The following NPAS3 variants were observed in gnomAD, a reference collection of about 807,000 sequenced individuals.
NPAS3 encodes neuronal PAS domain protein 3, also known as neuronal PAS domain-containing protein 3.
In NPAS3, 14 loss-of-function variants were observed where a neutral mutation model predicts 73.1. That is an observed-to-expected ratio of 0.19 (90% CI 0.13 to 0.30). NPAS3 has a LOEUF of 0.30. Among genes scored for constraint, NPAS3 ranks in the 10% least tolerant of loss-of-function variants. NPAS3 has a pLI of 1.00. For missense variants in NPAS3, 1,096 were observed against 1,250.0 expected (o/e 0.88, Z 1.86); for synonymous variants, 620 against 541.5 (o/e 1.14, Z -2.01).
At chr14:32,941,441 TTC>T (rs2036012208) in intron 1 of NPAS3, among the ~76,000 whole-genome samples, 1 of 150,240 alleles carries the variant, frequency 6.7e-6, no homozygotes, top group African/African-American at 2.5e-5. Context: ...TTTTAGGAAT[TTC>T]TCTGAGATAA....
intron 4 of NPAS3, among the ~76,000 whole-genome samples, chr14:33,389,155 A>G (rs2138574183): frequency 6.6e-6 from 1 of 152,324 alleles, no homozygotes; most frequent in South Asian, 2.1e-4. Context: ...CTAAGGAGGT[A>G]AATAACAATA....
chr14:33,569,755 G>A (rs563250641), intron 5 of NPAS3, among the ~76,000 whole-genome samples: 14 of 152,126 alleles, frequency 9.2e-5, no homozygotes, highest in African/African-American at 2.9e-4. Context: ...TACTTTCTTC[G>A]ATACTTCTTT....
intron 3 of NPAS3, among the ~76,000 whole-genome samples, chr14:33,252,144 A>G (rs924221869): frequency 5.3e-5 from 8 of 150,634 alleles, no homozygotes; most frequent in African/African-American, 1.5e-4. Context: ...AAAACTCATG[A>G]CGAGCTATTG....
chr14:33,121,957 G>A (rs2043246781), intron 2 of NPAS3, among the ~76,000 whole-genome samples: 1 of 152,112 alleles, frequency 6.6e-6, no homozygotes, highest in African/African-American at 2.4e-5. Context: ...AACTTTCCAT[G>A]AGTACCCTAA....
chr14:33,085,850 A>T (rs1289382026), intron 2 of NPAS3, among the ~76,000 whole-genome samples: 1 of 152,238 alleles, frequency 6.6e-6, no homozygotes, highest in African/African-American at 2.4e-5. Flanking sequence ...AGTTACTTTC[A>T]TATGAGTTAA....
intron 2 of NPAS3, among the ~76,000 whole-genome samples, chr14:33,084,613 TC>T (rs926439108): frequency 2.0e-5 from 3 of 152,086 alleles, no homozygotes; most frequent in African/African-American, 7.2e-5. Context: ...CTATCTTGAG[TC>T]CCATGGAATC....
chr14:33,085,364 G>A (rs766384478), intron 2 of NPAS3, among the ~76,000 whole-genome samples: 8 of 152,284 alleles, frequency 5.3e-5, no homozygotes, highest in South Asian at 2.1e-4. Context: ...AGAAAATGGC[G>A]TAATTATTTA....
chr14:33,612,669 T>A (rs1051162280), intron 5 of NPAS3: 3 of 357,922 alleles, frequency 8.4e-6, no homozygotes, highest in African/African-American at 6.4e-5. Flanking sequence ...ATGTTCTTAA[T>A]TGTAAAGAGC....
intron 5 of NPAS3, among the ~76,000 whole-genome samples, chr14:33,627,033 T>G (rs1311391198): frequency 2.0e-5 from 3 of 151,992 alleles, no homozygotes; most frequent in Non-Finnish European, 4.4e-5. Flanking sequence ...TACGTATATA[T>G]ATATATGCAT....
intron 2 of NPAS3, among the ~76,000 whole-genome samples, chr14:33,153,993 A>G (rs2044555671): frequency 6.6e-6 from 1 of 152,214 alleles, no homozygotes; most frequent in African/African-American, 2.4e-5. Flanking sequence ...TTAATGTGGT[A>G]TCAGAAGGGA....
intron 5 of NPAS3, among the ~76,000 whole-genome samples, chr14:33,670,265 GTTC>G (rs2059574684): frequency 1.3e-5 from 2 of 152,176 alleles, no homozygotes; most frequent in African/African-American, 2.4e-5. Context: ...GCGGATTCGT[GTTC>G]TTATTTGATG....
chr14:33,763,716 G>A (rs2062369502), intron 7 of NPAS3, among the ~76,000 whole-genome samples: 1 of 152,186 alleles, frequency 6.6e-6, no homozygotes, highest in Admixed American at 6.5e-5. Context: ...TGTCTACAAT[G>A]CCTTAAGAGA....
chr14:33,191,392 T>C (rs759926374), intron 2 of NPAS3, among the ~76,000 whole-genome samples: 4 of 152,172 alleles, frequency 2.6e-5, no homozygotes, highest in African/African-American at 9.7e-5. Flanking sequence ...TTTTTTATTA[T>C]ACAAATACAA....
rs530728064 is a variant in NPAS3 at position 33,143,819 on chromosome 14, T to G, written c.141-71363T>G. Among the ~76,000 whole-genome samples, 4 of 152,360 alleles carry G rather than the reference T, an allele frequency of 2.6e-5. No homozygotes were observed. The South Asian group carries it at 8.3e-4, about 32-fold the overall frequency. ...TTCCTGTAAATGGAATCATATAATA[T>G]GTGGCCTTTTGTGTCTGGTTTCTTT... On this transcript the variant is annotated intron_variant, in intron 2 of 11. Coordinates refer to ENST00000356141, the Ensembl canonical transcript of NPAS3.
intron 5 of NPAS3, among the ~76,000 whole-genome samples, chr14:33,660,618 C>CTTG (rs918260119): frequency 6.6e-6 from 1 of 152,206 alleles, no homozygotes; most frequent in Admixed American, 6.5e-5. Flanking sequence ...GTCATTTTAT[C>CTTG]TTGTTGTTCT....
rs796527337 is a variant in NPAS3 at position 32,962,541 on chromosome 14, T to TTTTC, written c.50+23191_50+23194dup. 2.9e-3 allele frequency among the ~76,000 whole-genome samples: 440 copies of TTTTC among 151,228 alleles called. 2 individuals carry two copies. Among genetic ancestry groups the TTTTC allele is most frequent in the African/African-American group, 0.01 (422 of 41,222 alleles). The stretch of plus-strand genomic sequence containing the variant: ...ATACCACAAATCTTTGGGGGGTAGC[T>TTTTC]TTTCTTTCTTTCTTTCTTTTTTCTT... On this transcript the variant is annotated intron_variant, in intron 1 of 11. Transcript: ENST00000356141.
At chr14:33,526,039 A>G (rs886326367) in intron 4 of NPAS3, among the ~76,000 whole-genome samples, 1 of 152,188 alleles carries the variant, frequency 6.6e-6, no homozygotes, top group Non-Finnish European at 1.5e-5. Flanking sequence ...AGCAACCTAG[A>G]AAAGATTTAA....
At chr14:33,125,320 ATAG>A (rs1385261571) in intron 2 of NPAS3, among the ~76,000 whole-genome samples, 2 of 152,166 alleles carry the variant, frequency 1.3e-5, no homozygotes, top group Non-Finnish European at 2.9e-5. Flanking sequence ...TTTATGGGCA[ATAG>A]AAAAGAGTGA....
At chr14:33,403,086 A>G (rs761728385) in intron 4 of NPAS3, among the ~76,000 whole-genome samples, 2 of 152,148 alleles carry the variant, frequency 1.3e-5, no homozygotes, top group Non-Finnish European at 2.9e-5. Context: ...TATGAACAAT[A>G]GAAAGTCACC....
Sources: gnomAD v4.1 joint callset for allele counts (sites outside exome capture counted in the v4.1 genomes callset) on GRCh38, gnomAD v4.1.1 for gene constraint, MANE v1.5 for transcripts, NCBI Gene and HGNC (gene_info 2026-07-23, HGNC 2026-07-21) for gene names.